Variants in TGFB2 observed in about 807,000 individuals in gnomAD.
TGFB2 encodes the protein transforming growth factor beta 2.
TGFB2 carries 13 observed loss-of-function variants against 42.7 expected under a neutral mutation model. That is an observed-to-expected ratio of 0.30 (90% CI 0.20 to 0.48). The LOEUF (loss-of-function observed/expected upper bound fraction) is 0.48. Ranked by LOEUF, TGFB2 falls within the 20% of genes least tolerant of loss-of-function variation. The probability of loss-of-function intolerance (pLI) is 0.99; values close to 1 mark genes in which losing one functional copy is unlikely to be tolerated. For synonymous variants in TGFB2, 193 were observed against 193.6 expected (o/e 1.00, Z 0.03); for missense variants, 390 against 517.5 (o/e 0.75, Z 2.39).
intron 1 of TGFB2, among the ~76,000 whole-genome samples, chr1:218,370,675 G>T (rs1476880919): frequency 6.6e-6 from 1 of 152,164 alleles, no homozygotes; most frequent in Non-Finnish European, 1.5e-5. Context: ...TTTCTCGCAC[G>T]TTCATATAGA....
intron 6 of TGFB2, among the ~76,000 whole-genome samples, chr1:218,438,913 C>T (rs1660059293): frequency 6.6e-6 from 1 of 151,956 alleles, no homozygotes; most frequent in South Asian, 2.1e-4. Flanking sequence ...TCAAGACCAG[C>T]CTGGTCAAGA....
At chr1:218,347,398 T>G (rs1319544417) in intron 1 of TGFB2, among the ~76,000 whole-genome samples, 1 of 152,194 alleles carries the variant, frequency 6.6e-6, no homozygotes, top group Non-Finnish European at 1.5e-5. Flanking sequence ...AGAGTTAAAC[T>G]GAGGAATCTT....
intron 2 of TGFB2, among the ~76,000 whole-genome samples, chr1:218,427,538 A>G (rs1659664006): frequency 6.6e-6 from 1 of 151,904 alleles, no homozygotes. Flanking sequence ...CCTGTGTCCA[A>G]GTGTTCTCAT....
chr1:218,363,361 C>T, intron 1 of TGFB2: 2 of 1,614,058 alleles, frequency 1.2e-6, no homozygotes, highest in Admixed American at 1.7e-5. Context: ...ACAACACCCT[C>T]TGGCTCAGTG....
intron 1 of TGFB2, among the ~76,000 whole-genome samples, chr1:218,390,174 A>G (rs72738824): frequency 2.0e-5 from 3 of 151,898 alleles, no homozygotes; most frequent in Non-Finnish European, 2.9e-5. Context: ...AACTAAAAGC[A>G]TTTGTCGTGC....
chr1:218,401,077 T>A (rs1658700067), intron 1 of TGFB2, among the ~76,000 whole-genome samples: 1 of 152,192 alleles, frequency 6.6e-6, no homozygotes, highest in Non-Finnish European at 1.5e-5. Context: ...GAGCACTAAA[T>A]TCAGGTATGA....
intron 1 of TGFB2, among the ~76,000 whole-genome samples, chr1:218,381,045 A>T (rs1657942434): frequency 6.6e-6 from 1 of 152,164 alleles, no homozygotes; most frequent in Admixed American, 6.5e-5. Flanking sequence ...TCTCTTTGTT[A>T]CTTTAGTAAA....
chr1:218,370,947 C>A (rs569769147), intron 1 of TGFB2, among the ~76,000 whole-genome samples: 2 of 152,178 alleles, frequency 1.3e-5, no homozygotes, highest in South Asian at 4.1e-4. Flanking sequence ...ACAAATGATA[C>A]AGTCTACCAC....
chr1:218,441,243 G>T lies in TGFB2; in HGVS notation c.1126G>T (p.Ala376Ser), dbSNP rs201788738. ...TAATACCATAAATCCAGAAGCATCT[G>T]CTTCTCCTTGCTGCGTGTCCCAAGA... ...LYNTINPEAS[A>S]SPCCVSQDLE... The change falls in exon 7 of 7, where the codon GCT becomes TCT. Residue 376 changes from alanine to serine, a missense_variant. By Grantham distance (99) the Ala-to-Ser change is moderately conservative. Transcript: ENST00000366930. The T allele has an allele frequency of 1.9e-6, 3 of 1,613,592 alleles. No homozygotes were observed. Among genetic ancestry groups the T allele is most frequent in the Non-Finnish European group, 2.5e-6 (3 of 1,179,918 alleles).
At chr1:218,405,484 C>A (rs1658882716) in intron 2 of TGFB2, 152 bp downstream of exon 2, 11 of 1,358,042 alleles carry the variant, frequency 8.1e-6, no homozygotes, top group Admixed American at 1.9e-5. Context: ...CTTGCCTCAG[C>A]CTCCCTAGTC....
chr1:218,376,393 T>C (rs1657742705), intron 1 of TGFB2, among the ~76,000 whole-genome samples: 1 of 152,232 alleles, frequency 6.6e-6, no homozygotes, highest in Admixed American at 6.5e-5. Flanking sequence ...TACAAAATTT[T>C]GTTTTATTCT....
intron 1 of TGFB2, among the ~76,000 whole-genome samples, chr1:218,388,145 C>G (rs1274275085): frequency 2.6e-5 from 4 of 152,196 alleles, no homozygotes; most frequent in Non-Finnish European, 5.9e-5. Flanking sequence ...GCTCCTAGAG[C>G]TCCCCAGCTT....
chr1:218,366,581 G>A (rs192468392), intron 1 of TGFB2, among the ~76,000 whole-genome samples: 26 of 152,226 alleles, frequency 1.7e-4, no homozygotes, highest in South Asian at 1.0e-3. Context: ...GAAGTGCAGC[G>A]ATTATAAGAC....
chr1:218,411,646 G>C (rs1372121475), intron 2 of TGFB2, among the ~76,000 whole-genome samples: 1 of 152,060 alleles, frequency 6.6e-6, no homozygotes, highest in Non-Finnish European at 1.5e-5. Context: ...GAGGCAGGTG[G>C]ATCTCTTGAG....
chr1:218,406,915 T>C (rs1487571235), intron 2 of TGFB2, among the ~76,000 whole-genome samples: 1 of 152,184 alleles, frequency 6.6e-6, no homozygotes, highest in Non-Finnish European at 1.5e-5. Flanking sequence ...TGGGATTACT[T>C]GAGAAAAAGA....
Position 218,405,306 on chromosome 1 carries a change from C to T in TGFB2, c.484C>T (p.Pro162Ser). The T allele has an allele frequency of 6.2e-7, 1 of 1,614,014 alleles. No individual in the cohort carries two copies. The highest frequency in any genetic ancestry group is 8.5e-7 in the Non-Finnish European group (1 of 1,180,014). The part of the protein sequence containing the change: ...FRLQNPKARV[P>S]EQRIELYQIL... ...TTTGCAGAACCCAAAAGCCAGAGTG[C>T]CTGAACAACGGATTGAGCTATATCA... The change falls in exon 2 of 7, where the codon CCT becomes TCT. Residue 162 changes from proline to serine, a missense_variant. Physicochemically the swap from Pro to Ser is moderately conservative, Grantham distance 74 (BLOSUM62 -1). Coordinates refer to ENST00000366930, the MANE Select transcript of TGFB2 (RefSeq NM_003238.6).
At chr1:218,351,720 G>T (rs1181048965) in intron 1 of TGFB2, among the ~76,000 whole-genome samples, 1 of 152,114 alleles carries the variant, frequency 6.6e-6, no homozygotes, top group Non-Finnish European at 1.5e-5. Flanking sequence ...GGGGTTGGGG[G>T]AGCCCACTGC....
At chr1:218,369,022 C>T (rs1008275656) in intron 1 of TGFB2, among the ~76,000 whole-genome samples, 15 of 151,856 alleles carry the variant, frequency 9.9e-5, no homozygotes, top group African/African-American at 2.2e-4. Context: ...TTTGGGAGGC[C>T]GAGGCGGGTG....
At chr1:218,414,391 C>T (rs1349382203) in intron 2 of TGFB2, among the ~76,000 whole-genome samples, 1 of 152,142 alleles carries the variant, frequency 6.6e-6, no homozygotes, top group Non-Finnish European at 1.5e-5. Context: ...AAAAGTCATA[C>T]TGTGCTCCTG....
Sources: gnomAD v4.1 joint callset for allele counts (sites outside exome capture counted in the v4.1 genomes callset) on GRCh38, gnomAD v4.1.1 for gene constraint, MANE v1.5 for transcripts, NCBI Gene and HGNC (gene_info 2026-07-23, HGNC 2026-07-21) for gene names.